RALA: variants seen among roughly 807,000 people sequenced by gnomAD.
RALA encodes ras-related protein Ral-A.
Under a neutral mutation model 24.0 loss-of-function variants are expected in RALA, and 5 were observed. The ratio of observed to expected loss-of-function variants is 0.21; its 90% CI spans 0.11 to 0.44. The LOEUF (loss-of-function observed/expected upper bound fraction) is 0.44. Among genes scored for constraint, RALA ranks in the 20% least tolerant of loss-of-function variants. The pLI, the probability that RALA is intolerant of heterozygous loss-of-function variation, is 0.99. For missense variants in RALA, 95 were observed against 241.2 expected (o/e 0.39, Z 4.01); for synonymous variants, 77 against 83.8 (o/e 0.92, Z 0.44).
chr7:39,624,296 TTTTG>T (rs139750628), intron 1 of RALA: 7,866 of 141,026 alleles, frequency 0.056, 663 homozygotes, highest in African/African-American at 0.19. Context: ...TGTTTGTTTG[TTTTG>T]TTTGTTTGTG....
At chr7:39,638,023 T>A (rs1791713444) in intron 1 of RALA, among the ~76,000 whole-genome samples, 1 of 152,230 alleles carries the variant, frequency 6.6e-6, no homozygotes, top group Non-Finnish European at 1.5e-5. Context: ...TAACATCCTC[T>A]AATATCTAAC....
At chr7:39,648,125 A>T (rs530036866) in intron 1 of RALA, among the ~76,000 whole-genome samples, 3 of 152,208 alleles carry the variant, frequency 2.0e-5, no homozygotes, top group Admixed American at 6.5e-5. Context: ...TTCTAAAGTC[A>T]TATACAAAAT....
chr7:39,681,468 A>T (rs1264306831), intron 1 of RALA, among the ~76,000 whole-genome samples: 1 of 151,628 alleles, frequency 6.6e-6, no homozygotes, highest in Non-Finnish European at 1.5e-5. Context: ...ACTGGCATGC[A>T]CTACCCACCC....
At chr7:39,673,194 AAG>A (rs1491011608) in intron 1 of RALA, among the ~76,000 whole-genome samples, 1 of 151,856 alleles carries the variant, frequency 6.6e-6, no homozygotes, top group Non-Finnish European at 1.5e-5. Context: ...TCTCAAAAAA[AAG>A]AGAGAAATTA....
At chr7:39,675,611 A>G (rs1792470886) in intron 1 of RALA, among the ~76,000 whole-genome samples, 3 of 152,012 alleles carry the variant, frequency 2.0e-5, no homozygotes, top group Admixed American at 2.0e-4. Context: ...CTGTAGTCCT[A>G]GTTACTCAGG....
chr7:39,663,059 A>G (rs775547116), intron 1 of RALA, among the ~76,000 whole-genome samples: 78 of 152,302 alleles, frequency 5.1e-4, no homozygotes, highest in Non-Finnish European at 9.3e-4. Context: ...TACCATAAGA[A>G]TAGTGTGGGG....
chr7:39,648,564 G>A (rs1323369230), intron 1 of RALA, among the ~76,000 whole-genome samples: 1 of 152,178 alleles, frequency 6.6e-6, no homozygotes, highest in Non-Finnish European at 1.5e-5. Context: ...GTTCTGCAGA[G>A]AGGAGTCCTA....
chr7:39,632,161 A>G (rs188834474), intron 1 of RALA, among the ~76,000 whole-genome samples: 2 of 152,332 alleles, frequency 1.3e-5, no homozygotes, highest in South Asian at 2.1e-4. Flanking sequence ...CCCGCCTCCA[A>G]CCTTGGGAAT....
At chr7:39,691,939 A>G (rs1792824700) in intron 3 of RALA, among the ~76,000 whole-genome samples, 1 of 152,230 alleles carries the variant, frequency 6.6e-6, no homozygotes, top group Admixed American at 6.5e-5. Context: ...CACCAAAGTC[A>G]AAGTGATATT....
intron 1 of RALA, among the ~76,000 whole-genome samples, chr7:39,668,212 T>C (rs1792316771): frequency 6.6e-6 from 1 of 152,186 alleles, no homozygotes. Context: ...ACAATGCCAG[T>C]AGGGATACTA....
chr7:39,683,582 G>A (rs1792643552), intron 1 of RALA, among the ~76,000 whole-genome samples: 1 of 152,130 alleles, frequency 6.6e-6, no homozygotes, highest in South Asian at 2.1e-4. Context: ...CCAGGGCTTG[G>A]GAATTAAGTG....
chr7:39,629,880 C>T (rs2115911049), intron 1 of RALA, among the ~76,000 whole-genome samples: 1 of 152,250 alleles, frequency 6.6e-6, no homozygotes, highest in African/African-American at 2.4e-5. Context: ...CAGGCATGAG[C>T]CACCGTGCCT....
At chr7:39,704,824 C>T (rs920012272) in intron 4 of RALA, among the ~76,000 whole-genome samples, 16 of 151,788 alleles carry the variant, frequency 1.1e-4, no homozygotes, top group African/African-American at 2.2e-4. Context: ...TACAAGTGCC[C>T]GCCACCACAC....
Position 39,686,619 on chromosome 7 carries a change from C to G in RALA, c.-37-12C>G, listed in dbSNP as rs770503069. The G allele has an allele frequency of 7.1e-7, 1 of 1,413,018 alleles. No individual in the cohort carries two copies. The highest frequency in any genetic ancestry group is 1.0e-6 in the Non-Finnish European group (1 of 997,132). 87.5% of individuals were successfully genotyped at this position (1,413,018 alleles called of 1,614,324 possible). ...ATGTACTGAGCATTACTTATTCTTT[C>G]ATTCTTCTTAGATTCTTCTTAATCC... On this transcript the variant is annotated splice_polypyrimidine_tract_variant and intron_variant, in intron 1 of 4. Transcript: ENST00000005257.
At chr7:39,646,068 A>T (rs1026801297) in intron 1 of RALA, among the ~76,000 whole-genome samples, 3 of 152,200 alleles carry the variant, frequency 2.0e-5, no homozygotes, top group Non-Finnish European at 4.4e-5. Context: ...TATTTTAAAA[A>T]TTTTTAATAA....
In RALA at chr7:39,623,632, GTCCTCCTCCTCCTTC is replaced by G. The variant is rs1404470489; in HGVS notation, c.-217_-203del. The G allele has an allele frequency of 6.5e-6, 1 of 154,046 alleles. No homozygotes were observed. The highest frequency in any genetic ancestry group is 1.4e-5 in the Non-Finnish European group (1 of 69,024). The allele number at this position is 154,046 out of a possible 1,614,324, so 9.5% of individuals were successfully genotyped here. A position where few individuals can be genotyped will look rare whatever the true frequency, so the allele number is the denominator to read the frequency against. ...GATCTCCCCAGAGCAAAGCGTCGGAGTCCTCCTCCTCCTTCTCCTCCTCCTCCTCCTCCTCCTCCA... is the reference window on the plus strand; with the variant it reads ...GATCTCCCCAGAGCAAAGCGTCGGAGTCCTCCTCCTCCTCCTCCTCCTCCA... On this transcript the variant is annotated 5_prime_UTR_variant, in exon 1 of 5. Coordinates refer to ENST00000005257, the MANE Select transcript of RALA (RefSeq NM_005402.4). The surrounding 1 kb of genome is among the most constrained non-coding windows in gnomAD (Gnocchi z 4.9).
At chr7:39,626,655 C>A (rs1477969584) in intron 1 of RALA, among the ~76,000 whole-genome samples, 1 of 152,160 alleles carries the variant, frequency 6.6e-6, no homozygotes, top group African/African-American at 2.4e-5. Flanking sequence ...GGGCATTTTT[C>A]CCGTGGGTGT....
At chr7:39,696,623 A>T in intron 3 of RALA, 62 bp from the exon 4 acceptor site, 1 of 1,379,412 alleles carries the variant, frequency 7.2e-7, no homozygotes, top group Non-Finnish European at 9.9e-7. Context: ...TATGGGGCAA[A>T]CAAGAACTTT....
At chr7:39,681,584 G>A (rs949566171) in intron 1 of RALA, among the ~76,000 whole-genome samples, 8 of 151,650 alleles carry the variant, frequency 5.3e-5, no homozygotes, top group Admixed American at 2.0e-4. Flanking sequence ...CACCTCAGTC[G>A]GTCGGCAGGA....
Sources: gnomAD v4.1 joint callset for allele counts (sites outside exome capture counted in the v4.1 genomes callset) on GRCh38, gnomAD v4.1.1 for gene constraint, Gnocchi (gnomAD v3.1) non-coding constraint, MANE v1.5 for transcripts, NCBI Gene and HGNC (gene_info 2026-07-23, HGNC 2026-07-21) for gene names.